Variants in ARHGAP26 observed in about 807,000 individuals in gnomAD.
The protein encoded by ARHGAP26 is Rho GTPase activating protein 26, also known as rho GTPase-activating protein 26.
ARHGAP26 carries 38 observed loss-of-function variants against 104.8 expected under a neutral mutation model. The observed-to-expected ratio is 0.36, with a 90% CI of 0.28 to 0.48. The LOEUF (loss-of-function observed/expected upper bound fraction) is 0.48, where lower values mean the gene tolerates loss of function less well. Among genes scored for constraint, ARHGAP26 ranks in the 20% least tolerant of loss-of-function variants. The probability of loss-of-function intolerance (pLI) is 0.99; values close to 1 mark genes in which losing one functional copy is unlikely to be tolerated. For missense variants in ARHGAP26, 704 were observed against 947.9 expected (o/e 0.74, Z 3.38); for synonymous variants, 341 against 340.0 (o/e 1.00, Z -0.03).
intron 18 of ARHGAP26, among the ~76,000 whole-genome samples, chr5:143,122,718 G>A (rs1272745272): frequency 1.3e-5 from 2 of 152,184 alleles, no homozygotes; most frequent in Non-Finnish European, 2.9e-5. Context: ...AAGCAGAGGG[G>A]ACTTCCTTCA....
rs79327659 is a variant in ARHGAP26, at chr5:143,166,766, A to G, written c.1988+19385A>G. On this transcript the variant is annotated intron_variant, in intron 20 of 22. Coordinates refer to ENST00000645722, the MANE Select transcript of ARHGAP26 (RefSeq NM_001135608.3). ...GTAGCCACAGTGAACTGGGTTACCA[A>G]CCTTTCAGCAGGAACTGAAGGTAGA... Among the ~76,000 whole-genome samples the G allele has an allele frequency of 6.9e-3, 1,054 of 152,246 alleles. 15 individuals are homozygous for G. The highest frequency in any genetic ancestry group is 0.024 in the African/African-American group (1,000 of 41,540).
chr5:143,040,423 A>G (rs981256243), intron 13 of ARHGAP26, among the ~76,000 whole-genome samples: 3 of 125,432 alleles, frequency 2.4e-5, no homozygotes, highest in African/African-American at 3.0e-5. Flanking sequence ...TTGGCCCCCA[A>G]GTATTTTATA....
intron 1 of ARHGAP26, among the ~76,000 whole-genome samples, chr5:142,812,110 T>G (rs1764195612): frequency 6.6e-6 from 1 of 152,134 alleles, no homozygotes; most frequent in Non-Finnish European, 1.5e-5. Context: ...TCTACTGCCT[T>G]TTCCCCCCAG....
At chr5:142,894,376 G>A in intron 6 of ARHGAP26, 28 bp downstream of exon 6, 3 of 1,582,852 alleles carry the variant, frequency 1.9e-6, no homozygotes, top group Non-Finnish European at 2.6e-6. Context: ...GTTTAATGAT[G>A]TACCCATATA....
intron 1 of ARHGAP26, among the ~76,000 whole-genome samples, chr5:142,801,464 C>A (rs1328729171): frequency 6.6e-6 from 1 of 151,930 alleles, no homozygotes; most frequent in African/African-American, 2.4e-5. Flanking sequence ...ACATGAGATC[C>A]ATGGGAAAGA....
intron 11 of ARHGAP26, among the ~76,000 whole-genome samples, chr5:142,963,198 A>ATGTATATATATATGTGTGTGTGTG (rs1770684354): frequency 1.0e-5 from 1 of 98,336 alleles, no homozygotes; most frequent in African/African-American, 6.1e-5. Context: ...ATATATATAT[A>ATGTATATATATATGTGTGTGTGTG]TGTGTGTGTG....
chr5:143,204,866 A>T (rs922597341), intron 20 of ARHGAP26, among the ~76,000 whole-genome samples: 2 of 151,784 alleles, frequency 1.3e-5, no homozygotes, highest in Admixed American at 1.3e-4. Context: ...TGACCAAAAG[A>T]ACAGATTGGT....
intron 18 of ARHGAP26, among the ~76,000 whole-genome samples, chr5:143,123,187 A>G (rs991207331): frequency 1.3e-5 from 2 of 152,236 alleles, no homozygotes; most frequent in Non-Finnish European, 2.9e-5. Context: ...GATCAATAGA[A>G]TATTGCCAAA....
At chr5:142,924,340 A>G (rs899890957) in intron 10 of ARHGAP26, among the ~76,000 whole-genome samples, 1 of 152,140 alleles carries the variant, frequency 6.6e-6, no homozygotes, top group African/African-American at 2.4e-5. Context: ...CAACATTGTC[A>G]TTAAAGCATG....
In ARHGAP26 at chr5:142,846,838, A is replaced by G. The variant is rs562028267; in HGVS notation, c.155-26562A>G. ...TCAATATGTATTGATTAGTATGCTT[A>G]AAGCATACATGTATGTGAATAACTC... On this transcript the variant is annotated intron_variant, in intron 1 of 22. Coordinates refer to ENST00000645722, the MANE Select transcript of ARHGAP26 (RefSeq NM_001135608.3). 3.0e-4 allele frequency among the ~76,000 whole-genome samples: 46 copies of G among 152,346 alleles called. 1 individual carries two copies. The highest frequency in any genetic ancestry group is 9.9e-4 in the African/African-American group (41 of 41,570).
chr5:143,008,480 AGT>A (rs1778292471), intron 11 of ARHGAP26, among the ~76,000 whole-genome samples: 2 of 152,362 alleles, frequency 1.3e-5, no homozygotes, highest in South Asian at 4.1e-4. Flanking sequence ...TGCCTTATTC[AGT>A]GTGTCTCCAC....
intron 1 of ARHGAP26, among the ~76,000 whole-genome samples, chr5:142,801,967 T>G (rs1320136160): frequency 1.3e-5 from 2 of 152,146 alleles, no homozygotes; most frequent in Admixed American, 1.3e-4. Flanking sequence ...TTCCGTAACC[T>G]CGTGGAGAGA....
chr5:142,805,292 C>T (rs962154062), intron 1 of ARHGAP26, among the ~76,000 whole-genome samples: 12 of 151,812 alleles, frequency 7.9e-5, no homozygotes, highest in African/African-American at 1.7e-4. Context: ...GGTAGATGTG[C>T]GGTTTTGCCA....
intron 13 of ARHGAP26, among the ~76,000 whole-genome samples, chr5:143,039,045 C>T (rs1383787900): frequency 1.3e-5 from 2 of 151,620 alleles, no homozygotes; most frequent in Non-Finnish European, 2.9e-5. Context: ...AGTATGAGCC[C>T]GTTCTGGGAG....
intron 1 of ARHGAP26, among the ~76,000 whole-genome samples, chr5:142,869,669 G>A (rs1754981832): frequency 6.6e-6 from 1 of 152,126 alleles, no homozygotes; most frequent in South Asian, 2.1e-4. Flanking sequence ...TACCCAAGGA[G>A]AAAAAGGAAA....
At chr5:142,912,285 G>C (rs555998399) in intron 9 of ARHGAP26, among the ~76,000 whole-genome samples, 1 of 152,172 alleles carries the variant, frequency 6.6e-6, no homozygotes, top group African/African-American at 2.4e-5. Flanking sequence ...AAGCAATTAC[G>C]TTAAGTGAAA....
At chr5:142,857,103 C>A (rs1027313023) in intron 1 of ARHGAP26, among the ~76,000 whole-genome samples, 6 of 152,190 alleles carry the variant, frequency 3.9e-5, no homozygotes, top group African/African-American at 1.4e-4. Flanking sequence ...ACAGGGCCTT[C>A]TTCCCTGGGT....
chr5:142,850,760 A>G (rs1056556390), intron 1 of ARHGAP26, among the ~76,000 whole-genome samples: 3 of 152,176 alleles, frequency 2.0e-5, no homozygotes, highest in African/African-American at 7.2e-5. Context: ...GTCTGCATAC[A>G]TTTTAGTTTT....
At position 143,149,623 on chromosome 5, in the gene ARHGAP26, G is replaced by C. The variant is rs537233124; in HGVS notation, c.1988+2242G>C. ...GCAATTTGATTCTGAGAAATCTGTC[G>C]GCACACAGACGTGCCACGGTAACAA... On this transcript the variant is annotated intron_variant, in intron 20 of 22. Coordinates refer to ENST00000645722, the MANE Select transcript of ARHGAP26 (RefSeq NM_001135608.3). Among the ~76,000 whole-genome samples, 28 of 152,232 alleles carry C rather than the reference G, an allele frequency of 1.8e-4. No individual in the cohort carries two copies. In the South Asian group the frequency reaches 5.8e-3, roughly 32 times the overall value.
Sources: allele counts gnomAD v4.1 joint callset (sites outside exome capture counted in the v4.1 genomes callset), GRCh38; gene constraint gnomAD v4.1.1; transcripts MANE v1.5; gene names NCBI Gene and HGNC (gene_info 2026-07-23, HGNC 2026-07-21).